Variants in FERMT1 observed in about 807,000 individuals in gnomAD.
FERMT1 encodes fermitin family homolog 1.
FERMT1 carries 60 observed loss-of-function variants against 85.3 expected under a neutral mutation model. The ratio of observed to expected loss-of-function variants is 0.70; its 90% CI spans 0.57 to 0.87. The LOEUF (loss-of-function observed/expected upper bound fraction) is 0.87, where lower values mean the gene tolerates loss of function less well. Among genes scored for constraint, FERMT1 ranks in the 40% least tolerant of loss-of-function variants. The probability of loss-of-function intolerance (pLI) is 0.00; values close to 1 mark genes in which losing one functional copy is unlikely to be tolerated. For synonymous variants in FERMT1, 275 were observed against 301.1 expected, an observed-to-expected ratio of 0.91 and a Z score of 0.90; for missense variants, 701 against 818.9, an observed-to-expected ratio of 0.86 and a Z score of 1.76.
chr20:6,110,226 T>G, intron 5 of FERMT1, 72 bp downstream of exon 5: 1 of 1,320,686 alleles, frequency 7.6e-7, no homozygotes, highest in Non-Finnish European at 1.1e-6. Context: ...AACTTGAAAA[T>G]GAAACGTGAC....
chr20:6,082,299 C>T (rs1600424995), intron 13 of FERMT1, among the ~76,000 whole-genome samples: 2 of 152,192 alleles, frequency 1.3e-5, no homozygotes, highest in East Asian at 3.9e-4. Flanking sequence ...ATTCTCTCAA[C>T]ACAGTAGGTT....
chr20:6,097,968 C>A (rs1982555773), intron 6 of FERMT1, among the ~76,000 whole-genome samples: 1 of 152,102 alleles, frequency 6.6e-6, no homozygotes, highest in Non-Finnish European at 1.5e-5. Context: ...GCATGTGCCA[C>A]CACACCTGGC....
intron 1 of FERMT1, among the ~76,000 whole-genome samples, chr20:6,120,793 C>T (rs1983251659): frequency 6.6e-6 from 1 of 152,130 alleles, no homozygotes; most frequent in Non-Finnish European, 1.5e-5. Context: ...TTCTATTCAG[C>T]AGGTCTAGGG....
intron 9 of FERMT1, among the ~76,000 whole-genome samples, chr20:6,090,808 A>G (rs555115260): frequency 9.9e-5 from 15 of 152,180 alleles, no homozygotes; most frequent in Admixed American, 9.2e-4. Context: ...TTTATAAAAT[A>G]AATTTGAAAA....
intron 13 of FERMT1, among the ~76,000 whole-genome samples, chr20:6,082,887 T>A (rs1162860747): frequency 6.6e-6 from 1 of 152,082 alleles, no homozygotes; most frequent in Non-Finnish European, 1.5e-5. Flanking sequence ...CTTGAACTCT[T>A]GAGCTCAGGC....
chr20:6,093,020 C>T (rs1291868000), intron 9 of FERMT1, among the ~76,000 whole-genome samples: 1 of 151,928 alleles, frequency 6.6e-6, no homozygotes, highest in Non-Finnish European at 1.5e-5. Flanking sequence ...AGCTGATACC[C>T]TGTTGCTAGA....
At chr20:6,083,586 T>C (rs1050765864) in intron 13 of FERMT1, among the ~76,000 whole-genome samples, 2 of 149,678 alleles carry the variant, frequency 1.3e-5, no homozygotes, top group Non-Finnish European at 3.0e-5. Flanking sequence ...CCCAGCACTT[T>C]GGGAGGCTGA....
At chr20:6,092,457 C>T (rs181606712) in intron 9 of FERMT1, among the ~76,000 whole-genome samples, 6 of 152,102 alleles carry the variant, frequency 3.9e-5, no homozygotes, top group South Asian at 2.1e-4. Context: ...GTGGGAGGAC[C>T]GCTGGAGCCT....
chr20:6,079,250 G>T (rs900771531), intron 14 of FERMT1, among the ~76,000 whole-genome samples, 186 bp downstream of exon 14: 9 of 152,200 alleles, frequency 5.9e-5, no homozygotes, highest in Admixed American at 5.2e-4. Flanking sequence ...AAGAGCATTT[G>T]GCCTGTGCCT....
rs769980882 is a variant in FERMT1, at chr20:6,085,186, T to C, written c.1473A>G (p.Ser491=). The change falls in exon 12 of 15, where the codon TCA becomes TCG. Residue 491 remains serine (S), a synonymous_variant. Transcript: ENST00000217289. The part of the protein sequence containing the change: ...SYQPEVLNIL[S]FLRMKNRNSA... ...AGTTCCTGTTTTTCATCCTCAGAAA[T>C]GAAAGGATGTTGAGGACCTCTGGCT... 1.2e-6 allele frequency: 2 copies of C among 1,614,164 alleles called. No individual in the cohort carries two copies. The highest frequency in any genetic ancestry group is 1.1e-5 in the South Asian group (1 of 91,082).
intron 1 of FERMT1, among the ~76,000 whole-genome samples, chr20:6,121,274 A>C (rs950208957): frequency 1.3e-5 from 2 of 152,158 alleles, no homozygotes; most frequent in Non-Finnish European, 2.9e-5. Context: ...GGCGTGTGCC[A>C]CCACGCCCGG....
intron 14 of FERMT1, among the ~76,000 whole-genome samples, chr20:6,079,045 G>A (rs148485054): frequency 2.6e-5 from 4 of 152,346 alleles, no homozygotes; most frequent in Non-Finnish European, 4.4e-5. Flanking sequence ...TTGGCAGCCA[G>A]TCAGATGAGG....
chr20:6,078,642 T>G (rs57668686), intron 14 of FERMT1, among the ~76,000 whole-genome samples: 1 of 137,218 alleles, frequency 7.3e-6, no homozygotes, highest in Non-Finnish European at 1.6e-5. Context: ...CGTTTTTTTT[T>G]TTTGTTTTTT....
intron 2 of FERMT1, 39 bp from the exon 3 acceptor site, chr20:6,116,083 G>A (rs1286602502): frequency 2.1e-6 from 3 of 1,446,324 alleles, no homozygotes; most frequent in African/African-American, 2.8e-5. Context: ...AATGAGAGAG[G>A]GCCCAGCTTG....
Position 6,076,384 on chromosome 20 carries a change from G to C in FERMT1, c.*789C>G. 1 of 504,136 alleles carries C rather than the reference G, an allele frequency of 2.0e-6. No homozygotes were observed. The highest frequency in any genetic ancestry group is 1.5e-5 in the South Asian group (1 of 68,292). The allele number at this position is 504,136 out of a possible 1,614,324, so 31.2% of individuals were successfully genotyped here. A position where few individuals can be genotyped will look rare whatever the true frequency, so the allele number is the denominator to read the frequency against. On this transcript the variant is annotated 3_prime_UTR_variant, in exon 15 of 15. Transcript: ENST00000217289. Reference sequence around the variant, plus strand: ...AGAAGCAGTGGAGACATGGATCTGGGTTGAGAAATGGGTTTTCCTGTCCCC... The same window carrying C: ...AGAAGCAGTGGAGACATGGATCTGGCTTGAGAAATGGGTTTTCCTGTCCCC...
At chr20:6,080,333 A>G (rs1981959447) in intron 13 of FERMT1, among the ~76,000 whole-genome samples, 1 of 152,122 alleles carries the variant, frequency 6.6e-6, no homozygotes, top group Admixed American at 6.5e-5. Context: ...TGTCTTGTAG[A>G]GACAGGGTCT....
In FERMT1 at chr20:6,083,828, C is replaced by A. The variant is rs142764586; in HGVS notation, c.1718+212G>T. Among the ~76,000 whole-genome samples, 39 of 152,038 alleles carry A rather than the reference C, an allele frequency of 2.6e-4. No individual in the cohort carries two copies. The South Asian group carries it at 8.1e-3, about 32-fold the overall frequency. On this transcript the variant is annotated intron_variant, in intron 13 of 14. Coordinates refer to ENST00000217289, the MANE Select transcript of FERMT1 (RefSeq NM_017671.5). The stretch of plus-strand genomic sequence containing the variant: ...CCTCCTTTTAAAATTTCCTTTCCCA[C>A]ATTTAGCTGAGTTTCAGGGGTATTG...
chr20:6,109,625 C>T (rs140928256), intron 5 of FERMT1, among the ~76,000 whole-genome samples: 54 of 152,230 alleles, frequency 3.5e-4, no homozygotes, highest in East Asian at 1.2e-3. Context: ...GACAGCTGGG[C>T]GCGGTGGCTC....
chr20:6,076,241 G>A lies in FERMT1; in HGVS notation c.*932C>T, dbSNP rs781104279. On this transcript the variant is annotated 3_prime_UTR_variant, in exon 15 of 15. Coordinates refer to ENST00000217289, the MANE Select transcript of FERMT1 (RefSeq NM_017671.5). ...TGGACATGGTGGTCTTTGAGAATGG[G>A]TCTGCCCTTCTCTCCCTGACCAGTT... 87 of 340,414 alleles carry A rather than the reference G, an allele frequency of 2.6e-4. No homozygotes were observed. The highest frequency in any genetic ancestry group is 7.5e-5 in the Non-Finnish European group (13 of 172,448). 21.1% of individuals were successfully genotyped at this position (340,414 alleles called of 1,614,324 possible).
Sources: gnomAD v4.1 joint callset for allele counts (sites outside exome capture counted in the v4.1 genomes callset) on GRCh38, gnomAD v4.1.1 for gene constraint, MANE v1.5 for transcripts, NCBI Gene and HGNC (gene_info 2026-07-23, HGNC 2026-07-21) for gene names.